LHFPL6: variants seen among roughly 807,000 people sequenced by gnomAD.
LHFPL6 encodes the protein LHFPL tetraspan subfamily member 6 protein.
LHFPL6 carries 9 observed loss-of-function variants against 20.6 expected under a neutral mutation model. The observed-to-expected ratio is 0.44, with a 90% CI of 0.26 to 0.76. The LOEUF (loss-of-function observed/expected upper bound fraction) is 0.76, where lower values mean the gene tolerates loss of function less well. Ranked by LOEUF, LHFPL6 falls within the 30% of genes least tolerant of loss-of-function variation. The pLI is 0.20. For missense variants in LHFPL6, 218 were observed against 253.5 expected, an observed-to-expected ratio of 0.86 and a Z score of 0.95; for synonymous variants, 105 against 98.7, an observed-to-expected ratio of 1.06 and a Z score of -0.38.
At chr13:39,512,567 A>C (rs1438966610) in intron 2 of LHFPL6, among the ~76,000 whole-genome samples, 1 of 141,222 alleles carries the variant, frequency 7.1e-6, no homozygotes. Context: ...GCGCCACTGC[A>C]CTCCAGCCTG....
chr13:39,419,961 A>G lies in LHFPL6; in HGVS notation c.386-41435T>C, dbSNP rs73458827. Among the ~76,000 whole-genome samples, 1,157 of 152,330 alleles carry G rather than the reference A, an allele frequency of 7.6e-3. 10 individuals carry two copies. The highest frequency in any genetic ancestry group is 0.024 in the African/African-American group (978 of 41,578). Reference sequence around the variant, plus strand: ...AATGTCGAGAATAATGATTTTCAATAAAGTGAACAAAGCACAAAGCGCTTT... The same window carrying G: ...AATGTCGAGAATAATGATTTTCAATGAAGTGAACAAAGCACAAAGCGCTTT... On this transcript the variant is annotated intron_variant, in intron 2 of 3. Transcript: ENST00000379589.
chr13:39,549,142 C>A (rs748950638), intron 2 of LHFPL6, among the ~76,000 whole-genome samples: 1 of 152,012 alleles, frequency 6.6e-6, no homozygotes, highest in Non-Finnish European at 1.5e-5. Context: ...GGATGGCAAA[C>A]AGGCATATGA....
intron 3 of LHFPL6, among the ~76,000 whole-genome samples, chr13:39,375,752 C>T (rs1870279253): frequency 6.9e-6 from 1 of 144,012 alleles, no homozygotes; most frequent in Non-Finnish European, 1.5e-5. Context: ...CACACTTTCT[C>T]TTTAGGTCTT....
At chr13:39,395,633 A>G (rs113429419) in intron 2 of LHFPL6, among the ~76,000 whole-genome samples, 2,337 of 152,216 alleles carry the variant, frequency 0.015, 32 homozygotes, top group Middle Eastern at 0.034. Flanking sequence ...CTGTGGAGTC[A>G]TTGGTTTTGT....
chr13:39,423,606 A>G (rs866631475), intron 2 of LHFPL6, among the ~76,000 whole-genome samples: 1 of 152,066 alleles, frequency 6.6e-6, no homozygotes, highest in African/African-American at 2.4e-5. Context: ...CTCAGGGAAC[A>G]TAATGCAAAA....
At chr13:39,497,668 T>C (rs1869144979) in intron 2 of LHFPL6, among the ~76,000 whole-genome samples, 1 of 152,228 alleles carries the variant, frequency 6.6e-6, no homozygotes, top group African/African-American at 2.4e-5. Flanking sequence ...CAATAACTGA[T>C]AAGCCTTTCT....
At chr13:39,489,314 C>T (rs1034064993) in intron 2 of LHFPL6, among the ~76,000 whole-genome samples, 1 of 152,108 alleles carries the variant, frequency 6.6e-6, no homozygotes, top group African/African-American at 2.4e-5. Context: ...TGCTGGAGCA[C>T]GAACCTGGAA....
At chr13:39,497,295 T>C (rs1039660677) in intron 2 of LHFPL6, among the ~76,000 whole-genome samples, 1 of 152,190 alleles carries the variant, frequency 6.6e-6, no homozygotes, top group South Asian at 2.1e-4. Context: ...TTGAATACCA[T>C]GAGGGAAAGG....
At chr13:39,544,994 G>A in intron 2 of LHFPL6, among the ~76,000 whole-genome samples, 1 of 151,754 alleles carries the variant, frequency 6.6e-6, no homozygotes, top group Non-Finnish European at 1.5e-5. Context: ...TGTAATCCCA[G>A]CACTTTGGGA....
At chr13:39,525,155 T>G (rs548451409) in intron 2 of LHFPL6, among the ~76,000 whole-genome samples, 28 of 152,320 alleles carry the variant, frequency 1.8e-4, no homozygotes, top group Admixed American at 1.8e-3. Flanking sequence ...GGGCAGAAGG[T>G]GGCAAGAGGT....
chr13:39,588,007 T>C (rs1872502711), intron 2 of LHFPL6, among the ~76,000 whole-genome samples: 1 of 152,096 alleles, frequency 6.6e-6, no homozygotes, highest in African/African-American at 2.4e-5. Flanking sequence ...ACTGGCTGGA[T>C]ATCCAGATGC....
chr13:39,380,604 C>T (rs1037513754), intron 2 of LHFPL6, among the ~76,000 whole-genome samples: 4 of 151,518 alleles, frequency 2.6e-5, no homozygotes, highest in East Asian at 3.9e-4. Flanking sequence ...TCTGCCTCCC[C>T]ATCTCTGCCT....
At chr13:39,451,054 C>A (rs1414740319) in intron 2 of LHFPL6, among the ~76,000 whole-genome samples, 1 of 152,116 alleles carries the variant, frequency 6.6e-6, no homozygotes. Context: ...TTTCTACTCT[C>A]CGGAAGATAG....
At chr13:39,557,742 G>T (rs1223809135) in intron 2 of LHFPL6, among the ~76,000 whole-genome samples, 1 of 152,214 alleles carries the variant, frequency 6.6e-6, no homozygotes, top group African/African-American at 2.4e-5. Flanking sequence ...GGAGGTGTCG[G>T]ATAGTAACAC....
chr13:39,499,464 T>A (rs1277197238), intron 2 of LHFPL6, among the ~76,000 whole-genome samples: 1 of 152,186 alleles, frequency 6.6e-6, no homozygotes, highest in African/African-American at 2.4e-5. Flanking sequence ...AGCCCAGGCA[T>A]CCTCAGCGCC....
At chr13:39,525,655 TA>T (rs913066531) in intron 2 of LHFPL6, among the ~76,000 whole-genome samples, 135 of 141,202 alleles carry the variant, frequency 9.6e-4, no homozygotes, top group Middle Eastern at 3.6e-3. Context: ...ACAGTGACAA[TA>T]AAAAAAAAAA....
chr13:39,427,127 G>C (rs937340220), intron 2 of LHFPL6, among the ~76,000 whole-genome samples: 13 of 149,198 alleles, frequency 8.7e-5, no homozygotes, highest in African/African-American at 2.9e-4. Flanking sequence ...CTTTTTATTT[G>C]AAGTGATTTT....
At chr13:39,426,278 T>C (rs960236359) in intron 2 of LHFPL6, among the ~76,000 whole-genome samples, 5 of 151,594 alleles carry the variant, frequency 3.3e-5, no homozygotes, top group Non-Finnish European at 5.9e-5. Context: ...TGGAGTGCAA[T>C]GGCACCATCT....
At chr13:39,416,588 G>A (rs1871355235) in intron 2 of LHFPL6, among the ~76,000 whole-genome samples, 1 of 152,158 alleles carries the variant, frequency 6.6e-6, no homozygotes, top group Non-Finnish European at 1.5e-5. Context: ...TCAAAAGTCT[G>A]CAGCTGGAGA....
Sources: allele counts gnomAD v4.1 joint callset (sites outside exome capture counted in the v4.1 genomes callset), GRCh38; gene constraint gnomAD v4.1.1; transcripts MANE v1.5; gene names NCBI Gene and HGNC (gene_info 2026-07-23, HGNC 2026-07-21).